The following COX5A variants were observed in gnomAD, a reference collection of about 807,000 sequenced individuals.
COX5A encodes the protein cytochrome c oxidase subunit 5A, mitochondrial.
In COX5A, 6 loss-of-function variants were observed where a neutral mutation model predicts 16.1. The ratio of observed to expected loss-of-function variants is 0.37; its 90% CI spans 0.20 to 0.73. COX5A has a LOEUF of 0.73. COX5A is among the 30% of genes least tolerant of loss of function. The probability of loss-of-function intolerance (pLI) is 0.50; values close to 1 mark genes in which losing one functional copy is unlikely to be tolerated. For synonymous variants in COX5A, 73 were observed against 73.8 expected (o/e 0.99, Z 0.06); for missense variants, 159 against 194.9 (o/e 0.82, Z 1.10).
intron 1 of COX5A, among the ~76,000 whole-genome samples, chr15:74,933,418 AATAT>A (rs1566981887): frequency 7.5e-6 from 1 of 134,042 alleles, no homozygotes; most frequent in African/African-American, 2.9e-5. Flanking sequence ...CAAAAAAAAA[AATAT>A]CTATCTATCT....
intron 2 of COX5A, among the ~76,000 whole-genome samples, chr15:74,927,494 G>A (rs568689950): frequency 6.6e-6 from 1 of 152,098 alleles, no homozygotes; most frequent in Admixed American, 6.6e-5. Context: ...TTAACTCTTA[G>A]TACAATGAAC....
At position 74,929,236 on chromosome 15, in the gene COX5A, T is replaced by C. The variant is rs755523610; in HGVS notation, c.101-4A>G. On this transcript the variant is annotated splice_region_variant and splice_polypyrimidine_tract_variant and intron_variant, in intron 1 of 4. Transcript: ENST00000322347. ...TAGCAGCGAACTGACTGGATAGCTA[T>C]AATGTGAAAGAACCATAACTTCAAT... 2 of 1,585,526 alleles carry C rather than the reference T, an allele frequency of 1.3e-6. No homozygotes were observed. The highest frequency in any genetic ancestry group is 1.1e-5 in the South Asian group (1 of 90,210).
Position 74,931,258 on chromosome 15 carries a change from T to C in COX5A, c.101-2026A>G, listed in dbSNP as rs952911029. ...GCTCACACCTGTAATGCCAGCACTT[T>C]GGGAGGCTGAGACTGGTGGATCACC... On this transcript the variant is annotated intron_variant, in intron 1 of 4. Transcript: ENST00000322347. Among the ~76,000 whole-genome samples the C allele has an allele frequency of 7.9e-5, 12 of 152,012 alleles. No individual in the cohort carries two copies. In the South Asian group the frequency reaches 1.2e-3, roughly 16 times the overall value.
At chr15:74,926,010 C>A (rs1300976117) in intron 3 of COX5A, among the ~76,000 whole-genome samples, 1 of 149,514 alleles carries the variant, frequency 6.7e-6, no homozygotes, top group African/African-American at 2.5e-5. Flanking sequence ...GGATTACAGG[C>A]ATGTGCCACC....
intron 3 of COX5A, among the ~76,000 whole-genome samples, 196 bp downstream of exon 3, chr15:74,926,570 T>C (rs1461613052): frequency 2.0e-5 from 3 of 151,994 alleles, no homozygotes; most frequent in African/African-American, 7.2e-5. Flanking sequence ...AAGTGTATCA[T>C]GTACAATTTG....
At chr15:74,929,436 T>C (rs1161870261) in intron 1 of COX5A, among the ~76,000 whole-genome samples, 2 of 152,232 alleles carry the variant, frequency 1.3e-5, no homozygotes, top group Non-Finnish European at 2.9e-5. Context: ...AAGTATTACA[T>C]AGGCATGTTT....
intron 4 of COX5A, among the ~76,000 whole-genome samples, chr15:74,921,313 C>T (rs1459627534): frequency 7.1e-6 from 1 of 140,938 alleles, no homozygotes; most frequent in East Asian, 2.0e-4. Context: ...GAGGCTGAGG[C>T]AGAAGAATGG....
chr15:74,919,963 T>C lies in COX5A; in HGVS notation c.*489A>G. 1 of 192,736 alleles carries C rather than the reference T, an allele frequency of 5.2e-6. No homozygotes were observed. The highest frequency in any genetic ancestry group is 1.0e-4 in the South Asian group (1 of 9,842). 11.9% of individuals were successfully genotyped at this position (192,736 alleles called of 1,614,324 possible). On this transcript the variant is annotated 3_prime_UTR_variant, in exon 5 of 5. Transcript: ENST00000322347. ...CTACTGCATAGCACATCCTCAAGAC[T>C]ATCTCAGTGACCACTTTTAAACATC...
chr15:74,928,536 C>G (rs2065353391), intron 2 of COX5A, among the ~76,000 whole-genome samples: 1 of 152,120 alleles, frequency 6.6e-6, no homozygotes, highest in African/African-American at 2.4e-5. Flanking sequence ...AGGCGCCCGC[C>G]ACCACGTCCG....
At chr15:74,931,443 G>A (rs116661574) in intron 1 of COX5A, among the ~76,000 whole-genome samples, 9,050 of 152,100 alleles carry the variant, frequency 0.06, 870 homozygotes, top group African/African-American at 0.21. Context: ...GGAGGTTGAG[G>A]TGAGGTGAGA....
At chr15:74,927,566 G>C (rs984263923) in intron 2 of COX5A, among the ~76,000 whole-genome samples, 4 of 151,846 alleles carry the variant, frequency 2.6e-5, no homozygotes, top group Non-Finnish European at 5.9e-5. Flanking sequence ...TGAGGTCAGG[G>C]GTTCAAGACC....
intron 3 of COX5A, among the ~76,000 whole-genome samples, chr15:74,926,248 G>C (rs895344365): frequency 7.3e-5 from 11 of 151,384 alleles, no homozygotes; most frequent in African/African-American, 2.7e-4. Flanking sequence ...CACCGTGTTA[G>C]CCAGGATGGT....
chr15:74,929,432 T>C (rs1175275783), intron 1 of COX5A, among the ~76,000 whole-genome samples, 200 bp from the exon 2 acceptor site: 1 of 152,244 alleles, frequency 6.6e-6, no homozygotes, highest in Non-Finnish European at 1.5e-5. Context: ...CAAAAAGTAT[T>C]ACATAGGCAT....
At chr15:74,936,342 A>T (rs1284429480) in intron 1 of COX5A, among the ~76,000 whole-genome samples, 1 of 152,118 alleles carries the variant, frequency 6.6e-6, no homozygotes, top group Non-Finnish European at 1.5e-5. Flanking sequence ...CAGTTTCCCA[A>T]GATGGACTTT....
At chr15:74,926,912 T>C in intron 2 of COX5A, 25 bp from the exon 3 acceptor site, 1 of 1,604,350 alleles carries the variant, frequency 6.2e-7, no homozygotes, top group Admixed American at 1.7e-5. Context: ...AGAAGGGCCA[T>C]GTCAACCTCG....
Position 74,920,099 on chromosome 15 carries a change from C to T in COX5A, c.*353G>A. 1 of 436,478 alleles carries T rather than the reference C, an allele frequency of 2.3e-6. No individual in the cohort carries two copies. The highest frequency in any genetic ancestry group is 4.0e-6 in the Non-Finnish European group (1 of 251,424). The allele number at this position is 436,478 out of a possible 1,614,324, so 27.0% of individuals were successfully genotyped here. ...TTCTATATAAATGACTTCTAGCCTTCAGCTAATTTACAAGCTAGGGCACCC... is the reference window on the plus strand; with the variant it reads ...TTCTATATAAATGACTTCTAGCCTTTAGCTAATTTACAAGCTAGGGCACCC... On this transcript the variant is annotated 3_prime_UTR_variant, in exon 5 of 5. Coordinates refer to ENST00000322347, the MANE Select transcript of COX5A (RefSeq NM_004255.4).
chr15:74,936,168 G>C (rs748940704), intron 1 of COX5A, among the ~76,000 whole-genome samples: 1 of 152,050 alleles, frequency 6.6e-6, no homozygotes, highest in Non-Finnish European at 1.5e-5. Flanking sequence ...GCAGGTGCCT[G>C]TAACCCCAGC....
At chr15:74,930,824 T>A (rs1330513509) in intron 1 of COX5A, among the ~76,000 whole-genome samples, 1 of 150,142 alleles carries the variant, frequency 6.7e-6, no homozygotes, top group Non-Finnish European at 1.5e-5. Context: ...GAAACCATCC[T>A]GGCTAACACG....
intron 1 of COX5A, among the ~76,000 whole-genome samples, chr15:74,933,583 A>G (rs569660219): frequency 6.6e-6 from 1 of 152,298 alleles, no homozygotes; most frequent in East Asian, 1.9e-4. Flanking sequence ...AGAAAAAATT[A>G]TAAGCCACCT....
Sources: allele counts gnomAD v4.1 joint callset (sites outside exome capture counted in the v4.1 genomes callset), GRCh38; gene constraint gnomAD v4.1.1; transcripts MANE v1.5; gene names NCBI Gene and HGNC (gene_info 2026-07-23, HGNC 2026-07-21).